The following STPG2 variants were observed in gnomAD, a reference collection of about 807,000 sequenced individuals.
The protein encoded by STPG2 is sperm-tail PG-rich repeat-containing protein 2.
STPG2 carries 56 observed loss-of-function variants against 54.2 expected under a neutral mutation model. That is an observed-to-expected ratio of 1.03 (90% CI 0.83 to 1.29). STPG2 has a LOEUF of 1.29. STPG2 is among the 50% of genes most tolerant of loss of function. The pLI is 0.00. For missense variants in STPG2, 596 were observed against 544.9 expected, an observed-to-expected ratio of 1.09 and a Z score of -0.93; for synonymous variants, 200 against 181.8, an observed-to-expected ratio of 1.10 and a Z score of -0.81.
chr4:97,565,319 A>G (rs1396071757), intron 10 of STPG2, among the ~76,000 whole-genome samples: 1 of 152,100 alleles, frequency 6.6e-6, no homozygotes, highest in Non-Finnish European at 1.5e-5. Flanking sequence ...ATTGGTTATT[A>G]TAGTTATACA....
At chr4:97,658,881 T>C (rs1722294337) in intron 10 of STPG2, among the ~76,000 whole-genome samples, 1 of 152,322 alleles carries the variant, frequency 6.6e-6, no homozygotes, top group South Asian at 2.1e-4. Flanking sequence ...AATAAATGCA[T>C]ATGCTATAGA....
Position 97,867,673 on chromosome 4 carries a change from T to A in STPG2, c.1045-26741A>T, listed in dbSNP as rs78142137. Among the ~76,000 whole-genome samples, 328 of 152,120 alleles carry A rather than the reference T, an allele frequency of 2.2e-3. 6 individuals carry two copies. In the East Asian group the frequency reaches 0.033, roughly 15 times the overall value. Reference sequence around the variant, plus strand: ...TATCACACAACATGACAACGGAAAGTTGGCAGTCCAGGACTGATGCAGCAG... The same window carrying A: ...TATCACACAACATGACAACGGAAAGATGGCAGTCCAGGACTGATGCAGCAG... On this transcript the variant is annotated intron_variant, in intron 8 of 10. Transcript: ENST00000295268.
chr4:97,999,075 T>C (rs964713834), intron 5 of STPG2, among the ~76,000 whole-genome samples: 2 of 152,192 alleles, frequency 1.3e-5, no homozygotes, highest in Non-Finnish European at 2.9e-5. Flanking sequence ...TCGAACCCTG[T>C]CTGACATTAT....
At chr4:97,817,031 G>A (rs1464990759) in intron 9 of STPG2, among the ~76,000 whole-genome samples, 1 of 147,754 alleles carries the variant, frequency 6.8e-6, no homozygotes, top group Non-Finnish European at 1.5e-5. Flanking sequence ...TTTTTCTGGA[G>A]AATTCTGACA....
At chr4:97,966,277 G>T (rs543263613) in intron 7 of STPG2, among the ~76,000 whole-genome samples, 2 of 152,188 alleles carry the variant, frequency 1.3e-5, no homozygotes, top group South Asian at 2.1e-4. Context: ...GGGTATCAGT[G>T]GTTGAAGAAC....
At chr4:97,858,720 G>A (rs1303153334) in intron 8 of STPG2, among the ~76,000 whole-genome samples, 1 of 152,136 alleles carries the variant, frequency 6.6e-6, no homozygotes, top group Non-Finnish European at 1.5e-5. Flanking sequence ...TGCTGTGAAT[G>A]CCATTATTTC....
intron 9 of STPG2, among the ~76,000 whole-genome samples, chr4:97,732,872 A>C (rs74807654): frequency 0.083 from 12,655 of 152,252 alleles, 677 homozygotes; most frequent in South Asian, 0.21. Flanking sequence ...TGCAATTTAC[A>C]ACCACAATGA....
At chr4:97,968,631 C>T (rs1464017129) in intron 7 of STPG2, among the ~76,000 whole-genome samples, 2 of 152,160 alleles carry the variant, frequency 1.3e-5, no homozygotes, top group Non-Finnish European at 2.9e-5. Flanking sequence ...GCTGGTTCAA[C>T]ATATGCAAAT....
intron 8 of STPG2, among the ~76,000 whole-genome samples, chr4:97,930,956 G>A (rs1218433953): frequency 1.3e-5 from 2 of 152,118 alleles, no homozygotes; most frequent in African/African-American, 4.8e-5. Flanking sequence ...CTTTGTGAAT[G>A]AGTTCATTTG....
At chr4:98,020,407 G>A (rs1180764425) in intron 5 of STPG2, among the ~76,000 whole-genome samples, 1 of 146,256 alleles carries the variant, frequency 6.8e-6, no homozygotes, top group South Asian at 2.3e-4. Context: ...ATGTGCTGCT[G>A]GATTCGGTTT....
chr4:97,543,470 AT>A (rs1181970302), intron 4 of STPG2, among the ~76,000 whole-genome samples: 4 of 151,966 alleles, frequency 2.6e-5, no homozygotes, highest in Non-Finnish European at 5.9e-5. Context: ...GGGAAAAAAA[AT>A]AAAATGCTAA....
At chr4:97,841,508 C>T (rs1473982640) in intron 8 of STPG2, among the ~76,000 whole-genome samples, 3 of 151,582 alleles carry the variant, frequency 2.0e-5, no homozygotes, top group Non-Finnish European at 4.4e-5. Flanking sequence ...AATATAAGTG[C>T]CATATATTTG....
chr4:97,694,075 A>G (rs532630999), intron 10 of STPG2, among the ~76,000 whole-genome samples: 98 of 152,306 alleles, frequency 6.4e-4, no homozygotes, highest in Non-Finnish European at 1.3e-3. Flanking sequence ...AAGAGCACAA[A>G]TAGACAATCT....
At chr4:97,757,878 A>G (rs1333076095) in intron 9 of STPG2, among the ~76,000 whole-genome samples, 1 of 152,246 alleles carries the variant, frequency 6.6e-6, no homozygotes, top group African/African-American at 2.4e-5. Flanking sequence ...ATACAAAATT[A>G]GAGAAAGACA....
chr4:98,072,009 A>G (rs1738019413), intron 5 of STPG2, among the ~76,000 whole-genome samples: 1 of 152,212 alleles, frequency 6.6e-6, no homozygotes, highest in Admixed American at 6.5e-5. Context: ...GCAATTCCTC[A>G]AAGATCTAGA....
intron 10 of STPG2, among the ~76,000 whole-genome samples, chr4:97,655,726 C>G (rs1722202741): frequency 2.0e-5 from 3 of 152,118 alleles, no homozygotes; most frequent in African/African-American, 7.2e-5. Context: ...ATATCCATGA[C>G]TCATCTTGCT....
chr4:97,522,936 T>A (rs1018225167), intron 4 of STPG2, among the ~76,000 whole-genome samples: 1 of 151,986 alleles, frequency 6.6e-6, no homozygotes, highest in Non-Finnish European at 1.5e-5. Flanking sequence ...TATTACAATT[T>A]TAATTTTTTG....
intron 10 of STPG2, among the ~76,000 whole-genome samples, chr4:97,562,067 T>C (rs1384919294): frequency 1.3e-5 from 2 of 152,126 alleles, no homozygotes; most frequent in Admixed American, 6.5e-5. Flanking sequence ...TTCTTCCTAC[T>C]CATGAGCATG....
intron 10 of STPG2, among the ~76,000 whole-genome samples, chr4:97,693,118 A>G (rs999467334): frequency 4.7e-5 from 7 of 148,234 alleles, no homozygotes; most frequent in African/African-American, 1.8e-4. Flanking sequence ...CACATGACCA[A>G]TAAAACAATA....
Sources: gnomAD v4.1 joint callset for allele counts (sites outside exome capture counted in the v4.1 genomes callset) on GRCh38, gnomAD v4.1.1 for gene constraint, MANE v1.5 for transcripts, NCBI Gene and HGNC (gene_info 2026-07-23, HGNC 2026-07-21) for gene names.